SH3GL3: variants seen among roughly 807,000 people sequenced by gnomAD.
SH3GL3 encodes the protein endophilin-A3.
In SH3GL3, 33 loss-of-function variants were observed where a neutral mutation model predicts 47.7. The ratio of observed to expected loss-of-function variants is 0.69; its 90% confidence interval spans 0.52 to 0.92. SH3GL3 has a LOEUF of 0.92. Among genes scored for constraint, SH3GL3 ranks in the 40% least tolerant of loss-of-function variants. The probability of loss-of-function intolerance (pLI) is 0.00; values close to 1 mark genes in which losing one functional copy is unlikely to be tolerated. For synonymous variants in SH3GL3, 155 were observed against 148.8 expected, an observed-to-expected ratio of 1.04 and a Z score of -0.30; for missense variants, 363 against 417.8, an observed-to-expected ratio of 0.87 and a Z score of 1.14.
intron 1 of SH3GL3, among the ~76,000 whole-genome samples, chr15:83,486,231 C>CTT (rs142241762): frequency 4.8e-4 from 73 of 152,060 alleles, no homozygotes; most frequent in South Asian, 8.3e-4. Context: ...TCTTATACTG[C>CTT]TTTTTTTTAA....
At chr15:83,520,401 C>T (rs2043156132) in intron 1 of SH3GL3, among the ~76,000 whole-genome samples, 1 of 152,126 alleles carries the variant, frequency 6.6e-6, no homozygotes, top group Non-Finnish European at 1.5e-5. Context: ...AACTGTCTCC[C>T]CTAAGGTGTA....
chr15:83,561,994 A>G (rs994555380), intron 2 of SH3GL3, among the ~76,000 whole-genome samples: 2 of 150,846 alleles, frequency 1.3e-5, no homozygotes, highest in African/African-American at 4.9e-5. Context: ...GGATATTTGC[A>G]TAGCATTTGG....
At chr15:83,518,332 C>T (rs2043069926) in intron 1 of SH3GL3, among the ~76,000 whole-genome samples, 3 of 152,280 alleles carry the variant, frequency 2.0e-5, no homozygotes, top group South Asian at 4.1e-4. Context: ...CCACAGCAGT[C>T]GAACTAATTT....
intron 1 of SH3GL3, among the ~76,000 whole-genome samples, chr15:83,524,482 A>G (rs1055631436): frequency 1.3e-5 from 2 of 152,162 alleles, no homozygotes; most frequent in Admixed American, 6.6e-5. Flanking sequence ...TAGGGTATCT[A>G]TCGCCTTTGT....
chr15:83,564,756 T>C (rs114567625), intron 2 of SH3GL3, among the ~76,000 whole-genome samples: 1 of 152,350 alleles, frequency 6.6e-6, no homozygotes, highest in African/African-American at 2.4e-5. Context: ...TATATAAGTA[T>C]AGAAATTCAA....
chr15:83,588,638 C>G (rs778374606), intron 7 of SH3GL3, 24 bp from the exon 8 acceptor site: 1 of 1,378,060 alleles, frequency 7.3e-7, no homozygotes, highest in Non-Finnish European at 1.0e-6. Flanking sequence ...AGATGTCTGG[C>G]TCATCTTACG....
intron 1 of SH3GL3, among the ~76,000 whole-genome samples, chr15:83,507,423 A>ATTAT (rs1555485243): frequency 8.3e-5 from 12 of 144,630 alleles, no homozygotes; most frequent in Non-Finnish European, 1.4e-4. Context: ...TATTATTATT[A>ATTAT]TTTTTTTTTT....
intron 1 of SH3GL3, among the ~76,000 whole-genome samples, chr15:83,498,062 T>C (rs1422677439): frequency 2.0e-5 from 3 of 152,252 alleles, no homozygotes; most frequent in African/African-American, 2.4e-5. Flanking sequence ...ACCATGACTC[T>C]CATGATAACC....
At chr15:83,588,876 A>C (rs1219282227) in intron 8 of SH3GL3, 105 bp downstream of exon 8, 1 of 673,958 alleles carries the variant, frequency 1.5e-6, no homozygotes, top group East Asian at 2.7e-5. Context: ...CAGACCCTGG[A>C]TATCTTTCTT....
chr15:83,450,857 A>T (rs371016509), intron 1 of SH3GL3, among the ~76,000 whole-genome samples: 1 of 111,158 alleles, frequency 9.0e-6, no homozygotes, highest in Non-Finnish European at 1.7e-5. Context: ...CACATTGTGC[A>T]GGTTAGTTAC....
At position 83,565,137 on chromosome 15, in the gene SH3GL3, A is replaced by G; in HGVS notation, c.118A>G (p.Ile40Val). 6.7e-7 allele frequency: 1 copy of G among 1,484,256 alleles called. No individual in the cohort carries two copies. The highest frequency in any genetic ancestry group is 2.3e-5 in the East Asian group (1 of 43,842). The allele number at this position is 1,484,256 out of a possible 1,614,324, so 91.9% of individuals were successfully genotyped here. The change falls in exon 3 of 9, where the codon ATA becomes GTA. Residue 40 changes from isoleucine (I) to valine (V), a missense_variant. Physicochemically the swap from Ile to Val is conservative, Grantham distance 29. Transcript: ENST00000427482. ...DDEFLDMERK[I>V]DVTNKVVAEI... ...TTTTTTAAATTTTGCTTTTAAGAAAATAGATGTTACCAATAAAGTTGTTGC... is the reference window on the plus strand; with the variant it reads ...TTTTTTAAATTTTGCTTTTAAGAAAGTAGATGTTACCAATAAAGTTGTTGC...
chr15:83,557,922 C>CTGT (rs1416725148), intron 1 of SH3GL3, among the ~76,000 whole-genome samples: 1 of 152,176 alleles, frequency 6.6e-6, no homozygotes, highest in Non-Finnish European at 1.5e-5. Flanking sequence ...TCTTCTGTAT[C>CTGT]TGTTGTCTTC....
chr15:83,552,483 T>TA (rs890730545), intron 1 of SH3GL3, among the ~76,000 whole-genome samples: 2 of 152,168 alleles, frequency 1.3e-5, no homozygotes, highest in African/African-American at 4.8e-5. Flanking sequence ...GCATTATGGT[T>TA]AAAAAACCCC....
At chr15:83,549,540 A>T (rs1342010779) in intron 1 of SH3GL3, among the ~76,000 whole-genome samples, 1 of 152,070 alleles carries the variant, frequency 6.6e-6, no homozygotes, top group African/African-American at 2.4e-5. Flanking sequence ...GTTTTTCCTT[A>T]TTGGGGAGTC....
chr15:83,554,019 CTTTTT>C (rs373240676), intron 1 of SH3GL3, among the ~76,000 whole-genome samples: 1 of 129,440 alleles, frequency 7.7e-6, no homozygotes. Flanking sequence ...TTCTCTCGCT[CTTTTT>C]TTTTTTTTTT....
chr15:83,489,724 C>T (rs529411429), intron 1 of SH3GL3, among the ~76,000 whole-genome samples: 2 of 152,138 alleles, frequency 1.3e-5, no homozygotes, highest in African/African-American at 4.8e-5. Context: ...ACCAAAATGC[C>T]CTTTCCAGGT....
intron 1 of SH3GL3, among the ~76,000 whole-genome samples, chr15:83,553,919 C>A (rs549495508): frequency 6.6e-6 from 1 of 152,228 alleles, no homozygotes; most frequent in African/African-American, 2.4e-5. Flanking sequence ...TCCATACTTT[C>A]CCTCTTGGTT....
downstream of SH3GL3, among the ~76,000 whole-genome samples, chr15:83,622,646 T>G (rs979962393): frequency 5.2e-4 from 79 of 152,180 alleles, no homozygotes; most frequent in African/African-American, 1.8e-3. Context: ...AATGGAAGTG[T>G]TTGTATGTAC....
chr15:83,462,545 T>G (rs1487434918), intron 1 of SH3GL3, among the ~76,000 whole-genome samples: 1 of 152,254 alleles, frequency 6.6e-6, no homozygotes. Context: ...TGCCAAGTCT[T>G]ACCCAGTTTC....
Sources: gnomAD v4.1 joint callset for allele counts (sites outside exome capture counted in the v4.1 genomes callset) on GRCh38, gnomAD v4.1.1 for gene constraint, MANE v1.5 for transcripts, NCBI Gene and HGNC (gene_info 2026-07-23, HGNC 2026-07-21) for gene names.